The following SNX6 variants were observed in gnomAD, a reference collection of about 807,000 sequenced individuals.
The protein encoded by SNX6 is sorting nexin-6.
Under a neutral mutation model 63.0 loss-of-function variants are expected in SNX6, and 34 were observed. The observed-to-expected ratio is 0.54, with a 90% CI of 0.41 to 0.72. The LOEUF is 0.72. Ranked by LOEUF, SNX6 falls within the 30% of genes least tolerant of loss-of-function variation. The pLI, the probability that SNX6 is intolerant of heterozygous loss-of-function variation, is 0.00. For missense variants in SNX6, 398 were observed against 471.4 expected (o/e 0.84, Z 1.44); for synonymous variants, 170 against 164.2 (o/e 1.04, Z -0.27).
intron 10 of SNX6, among the ~76,000 whole-genome samples, chr14:34,580,963 G>A (rs1881910689): frequency 6.6e-6 from 1 of 151,992 alleles, no homozygotes; most frequent in Admixed American, 6.6e-5. Flanking sequence ...AGAAGAATAT[G>A]AACTTTCATA....
chr14:34,563,032 C>T lies in SNX6; in HGVS notation c.*90G>A. 2 of 1,308,818 alleles carry T rather than the reference C, an allele frequency of 1.5e-6. No individual in the cohort carries two copies. The highest frequency in any genetic ancestry group is 1.5e-5 in the African/African-American group (1 of 67,694). The allele number at this position is 1,308,818 out of a possible 1,614,324, so 81.1% of individuals were successfully genotyped here. A position where few individuals can be genotyped will look rare whatever the true frequency, so the allele number is the denominator to read the frequency against. ...TTTTTCAGCTGCTTTTTGTTTGTTT[C>T]CAGTGAGCATAAATGCTTAACATCA... On this transcript the variant is annotated 3_prime_UTR_variant, in exon 14 of 14. Coordinates refer to ENST00000362031, the MANE Select transcript of SNX6 (RefSeq NM_152233.4).
At chr14:34,582,482 C>T (rs981237774) in intron 9 of SNX6, among the ~76,000 whole-genome samples, 1 of 152,068 alleles carries the variant, frequency 6.6e-6, no homozygotes, top group African/African-American at 2.4e-5. Flanking sequence ...GCTGAGATTA[C>T]AGGTGTGAGC....
chr14:34,611,251 C>T (rs1304971085), intron 2 of SNX6, among the ~76,000 whole-genome samples: 1 of 147,498 alleles, frequency 6.8e-6, no homozygotes, highest in African/African-American at 2.5e-5. Flanking sequence ...CCTTGGCATT[C>T]GAATTGCTTG....
intron 13 of SNX6, among the ~76,000 whole-genome samples, chr14:34,567,274 G>GTT (rs1881228291): frequency 6.6e-6 from 1 of 151,764 alleles, no homozygotes; most frequent in African/African-American, 2.4e-5. Context: ...ATCATTTGAG[G>GTT]ACGGGATTTC....
rs551819865 is a variant in SNX6, at chr14:34,597,565, G to C, written c.597C>G (p.Ile199Met). ...AAAATCTTACCTTTACTCCTGAAACGATTACTCCATCTGCTGATTTAACCA... is the reference window on the plus strand; with the variant it reads ...AAAATCTTACCTTTACTCCTGAAACCATTACTCCATCTGCTGATTTAACCA... ...KNMVKSADGV[I>M]VSGVKDVDDF... is the part of the protein sequence containing the mutation. The change falls in exon 7 of 14, where the codon ATC (isoleucine) becomes ATG (methionine). Residue 199 changes from isoleucine to methionine, a missense_variant. Ile to Met is a conservative substitution (Grantham distance 10). Coordinates refer to ENST00000362031, the MANE Select transcript of SNX6 (RefSeq NM_152233.4). The C allele has an allele frequency of 1.3e-6, 2 of 1,596,276 alleles. No individual in the cohort carries two copies. The highest frequency in any genetic ancestry group is 1.7e-5 in the Admixed American group (1 of 58,862).
intron 10 of SNX6, among the ~76,000 whole-genome samples, chr14:34,576,450 ATATTTTTT>A (rs1881709010): frequency 1.2e-5 from 1 of 80,810 alleles, no homozygotes; most frequent in Non-Finnish European, 2.4e-5. Flanking sequence ...ATATATATAT[ATATTTTTT>A]TTTTTTTTGA....
At chr14:34,593,967 C>A (rs1226734341) in intron 7 of SNX6, among the ~76,000 whole-genome samples, 1 of 152,094 alleles carries the variant, frequency 6.6e-6, no homozygotes, top group Admixed American at 6.6e-5. Context: ...CCGCGCGCCT[C>A]GGCCTCCCAA....
chr14:34,620,950 TAAAAAA>T (rs1883599876), intron 2 of SNX6, among the ~76,000 whole-genome samples: 1 of 151,666 alleles, frequency 6.6e-6, no homozygotes, highest in African/African-American at 2.4e-5. Flanking sequence ...AAAAAAAAAA[TAAAAAA>T]TAAAAAATGG....
Position 34,611,748 on chromosome 14 carries a change from CA to C in SNX6, c.55-2007del, listed in dbSNP as rs1171892665. ...CTGACAAAACAGTAAGACACTGTCT[CA>C]AAAAAAAAAAAAAAAAAAGAGAAAT... On this transcript the variant is annotated intron_variant, in intron 2 of 13. Transcript: ENST00000362031. 2.4e-3 allele frequency among the ~76,000 whole-genome samples: 262 copies of C among 107,152 alleles called. 1 individual carries two copies. The highest frequency in any genetic ancestry group is 0.014 in the South Asian group (41 of 2,970). The allele number at this position is 107,152 out of a possible 152,430, so 70.3% of individuals were successfully genotyped here.
intron 4 of SNX6, among the ~76,000 whole-genome samples, chr14:34,606,594 A>G (rs1253596407): frequency 2.6e-5 from 4 of 151,916 alleles, no homozygotes; most frequent in Admixed American, 2.6e-4. Context: ...CTGGGATTAC[A>G]GGCATGTGCC....
rs1229145459 is a variant in SNX6, at chr14:34,592,210, A to AC, written c.718+834dup. On this transcript the variant is annotated intron_variant, in intron 8 of 13. Transcript: ENST00000362031. ...AGACCATCCTGGCCAAGACTGTGAA[A>AC]CCCCATCTCTACTAAAAATACAAAA... 4.0e-5 allele frequency among the ~76,000 whole-genome samples: 6 copies of AC among 151,764 alleles called. No homozygotes were observed. In the East Asian group the frequency reaches 7.7e-4, roughly 20 times the overall value.
At chr14:34,570,355 T>G (rs1881389451) in intron 11 of SNX6, among the ~76,000 whole-genome samples, 1 of 149,380 alleles carries the variant, frequency 6.7e-6, no homozygotes, top group Admixed American at 6.7e-5. Context: ...TGTGAGCCAC[T>G]GTGCCTGGTC....
Position 34,575,805 on chromosome 14 carries a change from T to C in SNX6, c.872A>G (p.Lys291Arg). ...EARVSADEDL[K>R]LSDLLKYYLR... is the part of the protein sequence containing the mutation. The stretch of plus-strand genomic sequence containing the variant: ...GTAATATTTTAAAAGATCAGAAAGT[T>C]TGAGGTCTTCATCAGCAGACACTCG... The change falls in exon 11 of 14, where the codon AAA becomes AGA. Residue 291 changes from lysine (K) to arginine (R), a missense_variant. Physicochemically the swap from Lys to Arg is conservative, Grantham distance 26. Transcript: ENST00000362031. 6.3e-7 allele frequency: 1 copy of C among 1,597,528 alleles called. No individual in the cohort carries two copies.
intron 11 of SNX6, chr14:34,569,052 C>T: frequency 7.5e-7 from 1 of 1,326,308 alleles, no homozygotes; most frequent in South Asian, 1.2e-5. Context: ...CTTTCAGCTT[C>T]CCAGACTTTC....
chr14:34,625,550 T>C (rs975622483), intron 2 of SNX6, among the ~76,000 whole-genome samples: 1 of 151,930 alleles, frequency 6.6e-6, no homozygotes, highest in African/African-American at 2.4e-5. Flanking sequence ...CTGGCCAACA[T>C]GGTGTAACCC....
chr14:34,599,494 C>A (rs559632596), intron 6 of SNX6, among the ~76,000 whole-genome samples: 23 of 151,866 alleles, frequency 1.5e-4, no homozygotes, highest in Non-Finnish European at 2.8e-4. Flanking sequence ...ATAATCCCAG[C>A]TACTAGGGAG....
At chr14:34,624,668 C>T (rs150746641) in intron 2 of SNX6, among the ~76,000 whole-genome samples, 250 of 151,132 alleles carry the variant, frequency 1.7e-3, no homozygotes, top group African/African-American at 5.8e-3. Context: ...TGGTGGCGTG[C>T]ACCTGTAGTC....
At chr14:34,623,728 C>T (rs1186102455) in intron 2 of SNX6, among the ~76,000 whole-genome samples, 1 of 152,140 alleles carries the variant, frequency 6.6e-6, no homozygotes, top group Non-Finnish European at 1.5e-5. Flanking sequence ...GCCGGCACAA[C>T]TGGAAAGTGA....
At chr14:34,621,951 C>CTTTTTTTTTTTTTT (rs1037764907) in intron 2 of SNX6, among the ~76,000 whole-genome samples, 5 of 77,408 alleles carry the variant, frequency 6.5e-5, no homozygotes, top group Admixed American at 1.7e-4. Context: ...CATGTCTTTC[C>CTTTTTTTTTTTTTT]TTTTTTTTTT....
Sources: gnomAD v4.1 joint callset for allele counts (sites outside exome capture counted in the v4.1 genomes callset) on GRCh38, gnomAD v4.1.1 for gene constraint, MANE v1.5 for transcripts, NCBI Gene and HGNC (gene_info 2026-07-23, HGNC 2026-07-21) for gene names.